LRP1B: variants seen among roughly 807,000 people sequenced by gnomAD.
The protein encoded by LRP1B is LDL receptor related protein 1B, also known as low-density lipoprotein receptor-related protein 1B.
A neutral mutation model predicts 556.6 loss-of-function variants in LRP1B; 217 were observed. That is an observed-to-expected ratio of 0.39 (90% CI 0.35 to 0.44). The LOEUF is 0.44. LRP1B is among the 20% of genes least tolerant of loss of function. LRP1B has a pLI of 1.00. For synonymous variants in LRP1B, 2,047 were observed against 1,865.8 expected (o/e 1.10, Z -2.50); for missense variants, 5,053 against 5,620.8 (o/e 0.90, Z 3.23).
chr2:141,175,578 A>G (rs896071146), intron 7 of LRP1B, among the ~76,000 whole-genome samples: 2 of 152,124 alleles, frequency 1.3e-5, no homozygotes, highest in African/African-American at 4.8e-5. Context: ...ATTTCAGTGG[A>G]TGTATGAAAA....
intron 66 of LRP1B, among the ~76,000 whole-genome samples, chr2:140,429,120 C>T (rs912099420): frequency 2.0e-5 from 3 of 151,940 alleles, no homozygotes; most frequent in Admixed American, 1.3e-4. Flanking sequence ...CCCTGCTCAA[C>T]GCCAATATCC....
chr2:140,596,830 T>A (rs1004079582), intron 43 of LRP1B, among the ~76,000 whole-genome samples: 3 of 152,110 alleles, frequency 2.0e-5, no homozygotes, highest in Admixed American at 2.0e-4. Context: ...CAAATGGGGA[T>A]CATCATAATA....
rs138369137 is a variant in LRP1B at position 141,017,121 on chromosome 2, T to G, written c.1971-1206A>C. 7.9e-4 allele frequency among the ~76,000 whole-genome samples: 121 copies of G among 152,244 alleles called. 1 individual carries two copies. The highest frequency in any genetic ancestry group is 2.8e-3 in the African/African-American group (118 of 41,576). ...AATCCTAGAAATAAACATGGAAATA[T>G]TTCTATATTGTATCTTGTAATTCCT... On this transcript the variant is annotated intron_variant, in intron 12 of 90. Coordinates refer to ENST00000389484, the MANE Select transcript of LRP1B (RefSeq NM_018557.3).
At chr2:141,873,316 G>A (rs1698649390) in intron 1 of LRP1B, among the ~76,000 whole-genome samples, 1 of 151,842 alleles carries the variant, frequency 6.6e-6, no homozygotes, top group Admixed American at 6.6e-5. Flanking sequence ...AAAAATTAGT[G>A]GGGTATGATA....
intron 1 of LRP1B, among the ~76,000 whole-genome samples, chr2:142,029,375 A>G (rs545807762): frequency 1.3e-5 from 2 of 152,028 alleles, no homozygotes; most frequent in Non-Finnish European, 2.9e-5. Flanking sequence ...AAGCATCAAT[A>G]CATACATGTC....
At chr2:141,305,313 G>T (rs372757096) in intron 3 of LRP1B, among the ~76,000 whole-genome samples, 1 of 152,048 alleles carries the variant, frequency 6.6e-6, no homozygotes, top group Admixed American at 6.6e-5. Context: ...CTGGTTAAAG[G>T]TATTCCTAGG....
chr2:141,343,536 T>A (rs1688143571), intron 3 of LRP1B, among the ~76,000 whole-genome samples: 2 of 152,220 alleles, frequency 1.3e-5, no homozygotes, highest in Non-Finnish European at 2.9e-5. Context: ...GTGAAGCAGT[T>A]ATTTAGAAAT....
intron 35 of LRP1B, among the ~76,000 whole-genome samples, chr2:140,735,847 T>C (rs963122927): frequency 1.3e-5 from 2 of 152,094 alleles, no homozygotes; most frequent in African/African-American, 4.8e-5. Flanking sequence ...AGAGATTATA[T>C]ACCAATGCAG....
chr2:141,201,524 G>A (rs185417914), intron 6 of LRP1B, among the ~76,000 whole-genome samples: 90 of 152,034 alleles, frequency 5.9e-4, no homozygotes, highest in African/African-American at 2.1e-3. Context: ...ACTTCTGTTT[G>A]CATATATTAG....
At chr2:140,497,725 T>C (rs1168617035) in intron 55 of LRP1B, among the ~76,000 whole-genome samples, 1 of 151,802 alleles carries the variant, frequency 6.6e-6, no homozygotes, top group Non-Finnish European at 1.5e-5. Flanking sequence ...TGAAACAAAG[T>C]GCATCACCAT....
At chr2:140,776,266 G>T (rs1413889022) in intron 32 of LRP1B, 28 bp from the exon 33 acceptor site, 3 of 1,469,442 alleles carry the variant, frequency 2.0e-6, no homozygotes, top group Non-Finnish European at 2.8e-6. Context: ...ATTTTTTAAA[G>T]GAAAGTATAA....
chr2:140,746,955 C>T (rs1292159386), intron 35 of LRP1B, among the ~76,000 whole-genome samples: 5 of 151,868 alleles, frequency 3.3e-5, no homozygotes, highest in Admixed American at 6.6e-5. Flanking sequence ...AAAACACATC[C>T]TAATGTATTA....
chr2:141,869,075 A>G (rs1206989396), intron 1 of LRP1B, among the ~76,000 whole-genome samples: 2 of 152,098 alleles, frequency 1.3e-5, no homozygotes, highest in African/African-American at 4.8e-5. Flanking sequence ...TTAATCAAAT[A>G]TAGATGAAAA....
At chr2:140,456,425 C>G (rs2105321588) in intron 62 of LRP1B, 30 bp downstream of exon 62, 1 of 1,605,566 alleles carries the variant, frequency 6.2e-7, no homozygotes, top group South Asian at 1.1e-5. Flanking sequence ...ACCATACACT[C>G]TATAATAAGA....
At chr2:141,273,196 C>A (rs1439997737) in intron 3 of LRP1B, among the ~76,000 whole-genome samples, 1 of 151,960 alleles carries the variant, frequency 6.6e-6, no homozygotes, top group Non-Finnish European at 1.5e-5. Flanking sequence ...GTACTCCCAG[C>A]TACTTGGGAG....
At chr2:140,327,322 T>C (rs569959507) in intron 79 of LRP1B, among the ~76,000 whole-genome samples, 1 of 152,248 alleles carries the variant, frequency 6.6e-6, no homozygotes, top group South Asian at 2.1e-4. Flanking sequence ...AATATTTAGC[T>C]CACATGTAAT....
chr2:142,027,796 A>C (rs1036453993), intron 1 of LRP1B, among the ~76,000 whole-genome samples: 1 of 151,882 alleles, frequency 6.6e-6, no homozygotes, highest in Non-Finnish European at 1.5e-5. Context: ...ATACTCTCCT[A>C]GTGACTTTGA....
intron 3 of LRP1B, among the ~76,000 whole-genome samples, chr2:141,292,419 C>A (rs369053940): frequency 4.6e-5 from 7 of 152,006 alleles, no homozygotes; most frequent in Non-Finnish European, 8.8e-5. Context: ...ATCATTGCCC[C>A]CTCCTGGATG....
chr2:140,266,595 C>T (rs975921193), intron 86 of LRP1B, among the ~76,000 whole-genome samples: 10 of 152,000 alleles, frequency 6.6e-5, no homozygotes, highest in Admixed American at 2.0e-4. Flanking sequence ...GTGCATATAA[C>T]CTTTTTCTAT....
Sources: allele counts gnomAD v4.1 joint callset (sites outside exome capture counted in the v4.1 genomes callset), GRCh38; gene constraint gnomAD v4.1.1; transcripts MANE v1.5; gene names NCBI Gene and HGNC (gene_info 2026-07-23, HGNC 2026-07-21).